The following SCHIP1 variants were observed in gnomAD, a reference collection of about 807,000 sequenced individuals.
SCHIP1 encodes schwannomin-interacting protein 1.
SCHIP1 carries 8 observed loss-of-function variants against 29.7 expected under a neutral mutation model. The observed-to-expected ratio is 0.27, with a 90% CI of 0.16 to 0.49. The LOEUF (loss-of-function observed/expected upper bound fraction) is 0.49. Among genes scored for constraint, SCHIP1 ranks in the 20% least tolerant of loss-of-function variants. The pLI, the probability that SCHIP1 is intolerant of heterozygous loss-of-function variation, is 0.99. For missense variants in SCHIP1, 193 were observed against 294.6 expected (o/e 0.66, Z 2.52); for synonymous variants, 76 against 94.9 (o/e 0.80, Z 1.16).
At chr3:159,608,116 A>C in the SCHIP1 span, among the ~76,000 whole-genome samples, 1 of 152,232 alleles carries the variant, frequency 6.6e-6, no homozygotes, top group African/African-American at 2.4e-5. Context: ...AAAGCTCAGC[A>C]AGACAATGTG....
At chr3:159,787,340 G>T in the SCHIP1 span, among the ~76,000 whole-genome samples, 2 of 152,090 alleles carry the variant, frequency 1.3e-5, no homozygotes, top group Admixed American at 1.3e-4. Flanking sequence ...CATCTCCCTC[G>T]GCTTTTTCCA....
the SCHIP1 span, among the ~76,000 whole-genome samples, chr3:159,397,633 G>T: frequency 1.3e-5 from 2 of 152,164 alleles, no homozygotes; most frequent in Non-Finnish European, 2.9e-5. Flanking sequence ...TAGGCTGCTT[G>T]GGGGTCAGGG....
At chr3:159,438,245 T>G in the SCHIP1 span, among the ~76,000 whole-genome samples, 3 of 152,220 alleles carry the variant, frequency 2.0e-5, no homozygotes, top group African/African-American at 2.4e-5. Context: ...CCAGAGCTCC[T>G]CCCTGACCAT....
the SCHIP1 span, among the ~76,000 whole-genome samples, chr3:159,491,805 C>A: frequency 6.6e-6 from 1 of 152,264 alleles, no homozygotes; most frequent in East Asian, 1.9e-4. Context: ...ACTGCCTCCT[C>A]AAGTGGGTCC....
the SCHIP1 span, among the ~76,000 whole-genome samples, chr3:159,463,752 AT>A: frequency 6.6e-6 from 1 of 151,714 alleles, no homozygotes; most frequent in Non-Finnish European, 1.5e-5. Flanking sequence ...ATATATATAT[AT>A]ATATAAGATA....
chr3:159,364,835 G>A, the SCHIP1 span, among the ~76,000 whole-genome samples: 1 of 152,188 alleles, frequency 6.6e-6, no homozygotes, highest in Non-Finnish European at 1.5e-5. Context: ...GGATGGAATA[G>A]AATTGAGGTA....
At chr3:159,639,162 C>T in the SCHIP1 span, among the ~76,000 whole-genome samples, 1 of 151,976 alleles carries the variant, frequency 6.6e-6, no homozygotes, top group Non-Finnish European at 1.5e-5. Flanking sequence ...TGAATGAAGG[C>T]CAAGTTTAGC....
chr3:159,542,017 G>T, the SCHIP1 span, among the ~76,000 whole-genome samples: 12 of 151,952 alleles, frequency 7.9e-5, no homozygotes, highest in African/African-American at 2.9e-4. Flanking sequence ...GAACCTTTGG[G>T]GATGGGATAT....
the SCHIP1 span, among the ~76,000 whole-genome samples, chr3:159,337,189 A>T: frequency 6.6e-6 from 1 of 152,150 alleles, no homozygotes; most frequent in African/African-American, 2.4e-5. Flanking sequence ...TATTGATGGG[A>T]TGTATCTCAA....
chr3:159,406,139 A>C, the SCHIP1 span, among the ~76,000 whole-genome samples: 1 of 151,818 alleles, frequency 6.6e-6, no homozygotes, highest in Non-Finnish European at 1.5e-5. Flanking sequence ...AACAGCAAAC[A>C]GATTTATCCA....
At chr3:159,480,560 C>T in the SCHIP1 span, among the ~76,000 whole-genome samples, 1 of 152,152 alleles carries the variant, frequency 6.6e-6, no homozygotes, top group East Asian at 1.9e-4. Context: ...TTTTTCTTTT[C>T]TTATTGCTTA....
chr3:159,543,734 G>A, the SCHIP1 span, among the ~76,000 whole-genome samples: 1 of 152,082 alleles, frequency 6.6e-6, no homozygotes, highest in Non-Finnish European at 1.5e-5. Context: ...TATACACCCA[G>A]TAATGGGATG....
the SCHIP1 span, among the ~76,000 whole-genome samples, chr3:159,438,065 T>C: frequency 2.8e-4 from 42 of 152,326 alleles, no homozygotes; most frequent in African/African-American, 9.9e-4. Context: ...GACTCTGGAA[T>C]ATGATAAGCA....
the SCHIP1 span, among the ~76,000 whole-genome samples, chr3:159,704,898 T>TTA: frequency 2.5e-5 from 2 of 79,200 alleles, no homozygotes; most frequent in Non-Finnish European, 4.3e-5. Flanking sequence ...CTTTCTTTCT[T>TTA]TCTTTCTTTA....
chr3:159,438,566 T>G, the SCHIP1 span, among the ~76,000 whole-genome samples: 3 of 152,172 alleles, frequency 2.0e-5, no homozygotes, highest in African/African-American at 7.2e-5. Context: ...GGTGATTTTC[T>G]GCACAGATCA....
At chr3:159,566,116 A>G in the SCHIP1 span, among the ~76,000 whole-genome samples, 1 of 152,154 alleles carries the variant, frequency 6.6e-6, no homozygotes, top group Non-Finnish European at 1.5e-5. Context: ...TAACTAAAAC[A>G]TTGCAATGTA....
the SCHIP1 span, among the ~76,000 whole-genome samples, chr3:159,698,477 C>T: frequency 4.6e-5 from 7 of 152,234 alleles, no homozygotes; most frequent in East Asian, 1.9e-4. Context: ...GTCATTACTA[C>T]GAGTGCATTG....
the SCHIP1 span, among the ~76,000 whole-genome samples, chr3:159,720,751 A>T: frequency 6.6e-6 from 1 of 151,914 alleles, no homozygotes. Flanking sequence ...AGCCCAGCTA[A>T]TTTTTGTATT....
the SCHIP1 span, among the ~76,000 whole-genome samples, chr3:159,384,341 G>A: frequency 3.8e-4 from 58 of 152,066 alleles, no homozygotes; most frequent in African/African-American, 1.3e-3. Context: ...TTTGTCAAAG[G>A]CCTTTTCTGC....
Sources: gnomAD v4.1 joint callset for allele counts (sites outside exome capture counted in the v4.1 genomes callset) on GRCh38, gnomAD v4.1.1 for gene constraint, MANE v1.5 for transcripts, NCBI Gene and HGNC (gene_info 2026-07-23, HGNC 2026-07-21) for gene names.